The following TMEM170A variants were observed in gnomAD, a reference collection of about 807,000 sequenced individuals.
TMEM170A encodes transmembrane protein 170A, also known as transmembrane protein 170.
TMEM170A carries 18 observed loss-of-function variants against 12.8 expected under a neutral mutation model. The observed-to-expected ratio is 1.41, with a 90% confidence interval of 0.97 to 2.09. The LOEUF (loss-of-function observed/expected upper bound fraction) is 2.09, where lower values mean the gene tolerates loss of function less well. Ranked by LOEUF, TMEM170A falls within the 30% of genes most tolerant of loss-of-function variation. The probability of loss-of-function intolerance (pLI) is 0.00; values close to 1 mark genes in which losing one functional copy is unlikely to be tolerated. For synonymous variants in TMEM170A, 107 were observed against 76.2 expected (o/e 1.40, Z -2.11); for missense variants, 220 against 179.9 (o/e 1.22, Z -1.28).
chr16:75,451,348 G>C, intron 2 of TMEM170A: 2 of 424,232 alleles, frequency 4.7e-6, no homozygotes, highest in South Asian at 3.4e-5. Context: ...TCAGGAGTTC[G>C]AGACCCGGGC....
chr16:75,459,092 C>G (rs2079853623), intron 1 of TMEM170A: 3 of 152,174 alleles, frequency 2.0e-5, no homozygotes, highest in Admixed American at 2.0e-4. Flanking sequence ...TGGGGTTTCA[C>G]CATATTGGCC....
At chr16:75,462,720 A>T (rs966193193) in intron 1 of TMEM170A, among the ~76,000 whole-genome samples, 1 of 152,230 alleles carries the variant, frequency 6.6e-6, no homozygotes, top group African/African-American at 2.4e-5. Context: ...TAGCTAAATG[A>T]AACTAAAGAG....
intron 1 of TMEM170A, among the ~76,000 whole-genome samples, chr16:75,452,440 T>C (rs889839954): frequency 6.6e-6 from 1 of 151,870 alleles, no homozygotes; most frequent in African/African-American, 2.4e-5. Context: ...GCAAAATTCT[T>C]TTTTTTTTAA....
In TMEM170A at chr16:75,443,420, T is replaced by C. The variant is rs185326719; in HGVS notation, c.*4138A>G. 1 of 152,178 alleles carries C rather than the reference T, an allele frequency of 6.6e-6. No individual in the cohort carries two copies. Among genetic ancestry groups the C allele is most frequent in the African/African-American group, 2.4e-5 (1 of 41,524 alleles). The allele number at this position is 152,178 out of a possible 1,614,324, so 9.4% of individuals were successfully genotyped here. On this transcript the variant is annotated 3_prime_UTR_variant, in exon 3 of 3. Transcript: ENST00000561878. ...CTGAGTCACAACCAGCCTTATAGAGTGCACAAAAAAGAAATGCAAGTACAC... is the reference window on the plus strand; with the variant it reads ...CTGAGTCACAACCAGCCTTATAGAGCGCACAAAAAAGAAATGCAAGTACAC...
intron 1 of TMEM170A, chr16:75,459,028 G>C (rs577939736): frequency 3.9e-5 from 6 of 152,314 alleles, no homozygotes; most frequent in African/African-American, 1.4e-4. Flanking sequence ...CAAGTAGCTA[G>C]GACTACAGGT....
intron 1 of TMEM170A, among the ~76,000 whole-genome samples, chr16:75,455,759 C>A (rs1163733851): frequency 6.6e-6 from 1 of 152,070 alleles, no homozygotes; most frequent in Non-Finnish European, 1.5e-5. Context: ...GAGCCGAGGG[C>A]AAGAGAGCTA....
At chr16:75,464,361 G>T in intron 1 of TMEM170A, 107 bp downstream of exon 1, 8 of 1,365,752 alleles carry the variant, frequency 5.9e-6, no homozygotes, top group Non-Finnish European at 7.6e-6. Context: ...CAGCGCCCAC[G>T]CCGCCAGCAG....
At chr16:75,452,261 C>T (rs1004976103) in intron 1 of TMEM170A, among the ~76,000 whole-genome samples, 4 of 151,700 alleles carry the variant, frequency 2.6e-5, no homozygotes, top group Non-Finnish European at 4.4e-5. Context: ...TGAGCCACCG[C>T]GCCCAGTCAA....
intron 1 of TMEM170A, among the ~76,000 whole-genome samples, chr16:75,455,690 A>C (rs1307826266): frequency 6.6e-6 from 1 of 152,188 alleles, no homozygotes; most frequent in East Asian, 1.9e-4. Flanking sequence ...CTGTAATCCC[A>C]GCTACTCAGG....
intron 1 of TMEM170A, among the ~76,000 whole-genome samples, chr16:75,461,449 G>A (rs2079907236): frequency 6.6e-6 from 1 of 152,164 alleles, no homozygotes; most frequent in African/African-American, 2.4e-5. Flanking sequence ...GTACTTCCTG[G>A]TATACATAAA....
In TMEM170A at chr16:75,447,599, C is replaced by T. The variant is rs376793219; in HGVS notation, c.394G>A (p.Val132Ile). 34 of 1,612,228 alleles carry T rather than the reference C, an allele frequency of 2.1e-5. No individual in the cohort carries two copies. The highest frequency in any genetic ancestry group is 1.6e-4 in the African/African-American group (12 of 74,656). Residue 132 changes from valine to isoleucine, a missense_variant, in exon 3 of 3, where the codon GTC becomes ATC. Coordinates refer to ENST00000561878, the MANE Select transcript of TMEM170A (RefSeq NM_145254.3). ...ATCCGTAAAAAGGAGACCACCAAGA[C>T]GCAAAATGTCTGTCCAGTGCCCAGT... The part of the protein sequence containing the change: ...LTLGTGQTFC[V>I]LVVSFLRILA...
chr16:75,464,641 C>G lies in TMEM170A; in HGVS notation c.-41G>C, dbSNP rs1432568208. ...CACAGAGAAATGAGGGACGAGCGCCCGAAGTGCGGTAGCGGCCGGCGCCGA... is the reference window on the plus strand; with the variant it reads ...CACAGAGAAATGAGGGACGAGCGCCGGAAGTGCGGTAGCGGCCGGCGCCGA... On this transcript the variant is annotated 5_prime_UTR_variant, in exon 1 of 3. Transcript: ENST00000561878. 6 of 1,551,550 alleles carry G rather than the reference C, an allele frequency of 3.9e-6. No individual in the cohort carries two copies. The highest frequency in any genetic ancestry group is 2.4e-5 in the South Asian group (2 of 85,014).
At chr16:75,458,099 C>T (rs1426971171) in intron 1 of TMEM170A, among the ~76,000 whole-genome samples, 1 of 152,216 alleles carries the variant, frequency 6.6e-6, no homozygotes, top group Non-Finnish European at 1.5e-5. Flanking sequence ...TTTCATTTCG[C>T]TGGCTCAAAA....
At chr16:75,449,647 T>C (rs1204694309) in intron 2 of TMEM170A, among the ~76,000 whole-genome samples, 1 of 152,184 alleles carries the variant, frequency 6.6e-6, no homozygotes, top group Non-Finnish European at 1.5e-5. Context: ...TGAAGGTATA[T>C]TAACATATTT....
At chr16:75,461,317 G>A (rs559591411) in intron 1 of TMEM170A, among the ~76,000 whole-genome samples, 17 of 152,148 alleles carry the variant, frequency 1.1e-4, no homozygotes, top group African/African-American at 3.9e-4. Context: ...GCCTCCCAAA[G>A]TGCTGGGATT....
chr16:75,464,400 CG>C, intron 1 of TMEM170A, 67 bp downstream of exon 1: 5 of 1,383,854 alleles, frequency 3.6e-6, no homozygotes, highest in Non-Finnish European at 4.7e-6. Flanking sequence ...CGCCCAGACT[CG>C]GGGCGCCCAC....
At chr16:75,464,443 T>G (rs1224069029) in intron 1 of TMEM170A, 25 bp downstream of exon 1, 6 of 1,427,554 alleles carry the variant, frequency 4.2e-6, no homozygotes, top group Non-Finnish European at 5.5e-6. Flanking sequence ...GGGCGCGCAG[T>G]GCGCAGGCGC....
chr16:75,460,469 G>C (rs1029689080), intron 1 of TMEM170A, among the ~76,000 whole-genome samples: 3 of 152,044 alleles, frequency 2.0e-5, no homozygotes, highest in African/African-American at 4.8e-5. Context: ...GCAAGCTCCT[G>C]TTTCAGGGCC....
chr16:75,464,424 G>T, intron 1 of TMEM170A, 44 bp downstream of exon 1: 1 of 1,400,220 alleles, frequency 7.1e-7, no homozygotes, highest in Admixed American at 3.9e-5. Flanking sequence ...CACGGCAGCG[G>T]CGACGGCGGG....
Sources: gnomAD v4.1 joint callset for allele counts (sites outside exome capture counted in the v4.1 genomes callset) on GRCh38, gnomAD v4.1.1 for gene constraint, MANE v1.5 for transcripts, NCBI Gene and HGNC (gene_info 2026-07-23, HGNC 2026-07-21) for gene names.